The following CTNNA3 variants were observed in gnomAD, a reference collection of about 807,000 sequenced individuals.
The protein encoded by CTNNA3 is catenin alpha 3, also known as catenin alpha-3.
In CTNNA3, 76 loss-of-function variants were observed where a neutral mutation model predicts 95.7. That is an observed-to-expected ratio of 0.79 (90% confidence interval 0.66 to 0.96). The LOEUF is 0.96. CTNNA3 is among the 40% of genes least tolerant of loss of function. CTNNA3 has a pLI of 0.00. For synonymous variants in CTNNA3, 431 were observed against 374.4 expected, an observed-to-expected ratio of 1.15 and a Z score of -1.74; for missense variants, 1,191 against 1,089.8, an observed-to-expected ratio of 1.09 and a Z score of -1.31.
intron 1 of CTNNA3, among the ~76,000 whole-genome samples, chr10:67,678,426 C>A (rs1840570855): frequency 6.6e-6 from 1 of 152,276 alleles, no homozygotes; most frequent in Non-Finnish European, 1.5e-5. Flanking sequence ...TCCTTTATCT[C>A]CTGCCTCTCT....
At chr10:66,857,417 T>C (rs1294764882) in intron 7 of CTNNA3, among the ~76,000 whole-genome samples, 1 of 151,976 alleles carries the variant, frequency 6.6e-6, no homozygotes, top group Non-Finnish European at 1.5e-5. Flanking sequence ...ACATGAACTT[T>C]AAAATAGTTT....
At position 67,734,607 on chromosome 10, in the gene CTNNA3, T is replaced by C. The variant is rs865975101; in HGVS notation, c.-2+28827A>G. On this transcript the variant is annotated intron_variant, in intron 1 of 17. Transcript: ENST00000684154. ...AAGATTTGAAAGAATGATAAAAGTG[T>C]AGACATAAGGAAGTCAAAGCTCTAG... 2.0e-5 allele frequency among the ~76,000 whole-genome samples: 3 copies of C among 152,290 alleles called. No individual in the cohort carries two copies. The South Asian group carries it at 6.2e-4, about 32-fold the overall frequency.
At chr10:66,292,215 A>C (rs1318252807) in intron 12 of CTNNA3, among the ~76,000 whole-genome samples, 1 of 151,904 alleles carries the variant, frequency 6.6e-6, no homozygotes, top group South Asian at 2.1e-4. Flanking sequence ...TCCATGTTCA[A>C]TCAATCAATC....
intron 7 of CTNNA3, among the ~76,000 whole-genome samples, chr10:67,063,948 G>T (rs536597330): frequency 6.6e-6 from 1 of 152,106 alleles, no homozygotes; most frequent in South Asian, 2.1e-4. Flanking sequence ...ACACACACTC[G>T]TCAGCTAATC....
chr10:66,383,165 T>A (rs2092856093), intron 11 of CTNNA3, among the ~76,000 whole-genome samples: 1 of 152,144 alleles, frequency 6.6e-6, no homozygotes, highest in South Asian at 2.1e-4. Flanking sequence ...AGGAGGATGT[T>A]TGAACCCATT....
At chr10:67,226,748 T>G (rs893116547) in intron 5 of CTNNA3, among the ~76,000 whole-genome samples, 9 of 152,296 alleles carry the variant, frequency 5.9e-5, no homozygotes, top group African/African-American at 2.2e-4. Flanking sequence ...AAACAAATCC[T>G]AGAAACACAT....
intron 13 of CTNNA3, among the ~76,000 whole-genome samples, chr10:66,112,260 A>G (rs2082149027): frequency 6.6e-6 from 1 of 152,188 alleles, no homozygotes; most frequent in Admixed American, 6.5e-5. Flanking sequence ...CCTGGCACAC[A>G]GTCAGTACTC....
At chr10:67,040,407 C>A (rs1403369599) in intron 7 of CTNNA3, among the ~76,000 whole-genome samples, 2 of 152,012 alleles carry the variant, frequency 1.3e-5, no homozygotes, top group Admixed American at 6.6e-5. Flanking sequence ...GGAGCCACTG[C>A]ACAAAGGTCA....
chr10:67,335,957 T>C (rs1841980911), intron 5 of CTNNA3, among the ~76,000 whole-genome samples: 1 of 152,146 alleles, frequency 6.6e-6, no homozygotes, highest in Non-Finnish European at 1.5e-5. Context: ...CAACACCATG[T>C]GCTCACTTCC....
chr10:65,966,901 AC>A (rs1402266083), intron 16 of CTNNA3, among the ~76,000 whole-genome samples, 155 bp from the exon 17 acceptor site: 2 of 152,222 alleles, frequency 1.3e-5, no homozygotes, highest in African/African-American at 4.8e-5. Flanking sequence ...TCTACCATTT[AC>A]AATAGTTCAT....
At chr10:65,982,926 T>C (rs1277350987) in intron 16 of CTNNA3, among the ~76,000 whole-genome samples, 1 of 151,564 alleles carries the variant, frequency 6.6e-6, no homozygotes, top group Non-Finnish European at 1.5e-5. Flanking sequence ...TATAGTTTCA[T>C]TGAAATAATT....
At chr10:67,463,883 T>C (rs1194965986) in intron 5 of CTNNA3, among the ~76,000 whole-genome samples, 2 of 152,202 alleles carry the variant, frequency 1.3e-5, no homozygotes, top group African/African-American at 2.4e-5. Context: ...ATTTGGCTGA[T>C]AGGCTGTCAA....
intron 17 of CTNNA3, among the ~76,000 whole-genome samples, chr10:65,955,413 T>G (rs2077709381): frequency 1.3e-5 from 2 of 152,166 alleles, no homozygotes; most frequent in South Asian, 4.1e-4. Context: ...GGCCAGAACT[T>G]CCAACACTAT....
intron 2 of CTNNA3, among the ~76,000 whole-genome samples, chr10:67,628,708 ATATATC>A (rs771352544): frequency 5.3e-5 from 8 of 152,074 alleles, no homozygotes; most frequent in Non-Finnish European, 1.0e-4. Flanking sequence ...TTAAAATATG[ATATATC>A]TTGGTATATG....
intron 17 of CTNNA3, among the ~76,000 whole-genome samples, chr10:65,961,178 C>T (rs1993184): frequency 0.21 from 32,642 of 151,880 alleles, 3,993 homozygotes; most frequent in Middle Eastern, 0.35. Context: ...CTTTTGGTGA[C>T]TCTGTCTGCT....
In CTNNA3 at chr10:65,916,609, T is replaced by C. The variant is rs1247839307; in HGVS notation, c.*3721A>G. 6.6e-6 allele frequency: 1 copy of C among 152,174 alleles called. No individual in the cohort carries two copies. Among genetic ancestry groups the C allele is most frequent in the Non-Finnish European group, 1.5e-5 (1 of 68,026 alleles). The allele number at this position is 152,174 out of a possible 1,614,324, so 9.4% of individuals were successfully genotyped here. ...GAATAGAAAGACTAAAGGAATAATG[T>C]TGCTGGAAATTAAAATTCATAATTT... is the stretch of plus-strand genomic sequence containing the variant. On this transcript the variant is annotated 3_prime_UTR_variant, in exon 18 of 18. Coordinates refer to ENST00000433211, the MANE Select transcript of CTNNA3 (RefSeq NM_013266.4).
intron 11 of CTNNA3, among the ~76,000 whole-genome samples, chr10:66,498,066 TG>T (rs1257917555): frequency 2.0e-5 from 3 of 152,084 alleles, no homozygotes; most frequent in Non-Finnish European, 4.4e-5. Flanking sequence ...TAAGTAGAAA[TG>T]TGATATTTTA....
intron 9 of CTNNA3, among the ~76,000 whole-genome samples, chr10:66,675,293 C>T (rs925629160): frequency 3.3e-5 from 5 of 151,706 alleles, no homozygotes; most frequent in Non-Finnish European, 4.4e-5. Flanking sequence ...TGATGTTACC[C>T]TTCCTATTTT....
chr10:67,749,772 C>T (rs1841394680), intron 1 of CTNNA3, among the ~76,000 whole-genome samples: 1 of 152,032 alleles, frequency 6.6e-6, no homozygotes, highest in Non-Finnish European at 1.5e-5. Flanking sequence ...CAGGAGCAAA[C>T]AAAGCCAAAG....
Sources: allele counts gnomAD v4.1 joint callset (sites outside exome capture counted in the v4.1 genomes callset), GRCh38; gene constraint gnomAD v4.1.1; transcripts MANE v1.5; gene names NCBI Gene and HGNC (gene_info 2026-07-23, HGNC 2026-07-21).